Variants in ELOVL7 observed in about 807,000 individuals in gnomAD.
ELOVL7 encodes the protein very long chain fatty acid elongase 7.
In ELOVL7, 27 loss-of-function variants were observed where a neutral mutation model predicts 35.7. The observed-to-expected ratio is 0.76, with a 90% CI of 0.56 to 1.04. The LOEUF is 1.04. Ranked by LOEUF, ELOVL7 falls within the 50% of genes least tolerant of loss-of-function variation. ELOVL7 has a pLI of 0.00. For missense variants in ELOVL7, 327 were observed against 340.8 expected (o/e 0.96, Z 0.32); for synonymous variants, 113 against 114.6 (o/e 0.99, Z 0.09).
intron 8 of ELOVL7, among the ~76,000 whole-genome samples, chr5:60,755,773 G>A (rs113096760): frequency 0.013 from 1,997 of 152,270 alleles, 19 homozygotes; most frequent in Non-Finnish European, 0.022. Context: ...ATCTTACACA[G>A]TCCCAAGAGG....
chr5:60,766,434 G>A, intron 6 of ELOVL7, 140 bp downstream of exon 6: 2 of 630,700 alleles, frequency 3.2e-6, no homozygotes, highest in Non-Finnish European at 5.5e-6. Context: ...ATAACAGTAG[G>A]TCTGCCTGAA....
chr5:60,809,035 G>GT (rs993314529), intron 1 of ELOVL7, among the ~76,000 whole-genome samples: 6 of 152,018 alleles, frequency 3.9e-5, no homozygotes, highest in African/African-American at 1.4e-4. Flanking sequence ...GAACAAAATG[G>GT]TTTTTTCTTT....
At chr5:60,829,596 T>C (rs1233930939) in intron 1 of ELOVL7, among the ~76,000 whole-genome samples, 1 of 152,146 alleles carries the variant, frequency 6.6e-6, no homozygotes, top group Non-Finnish European at 1.5e-5. Context: ...GACAGCAGGA[T>C]GGAAAGAGTG....
At chr5:60,837,171 CGCCTGTAATCCCA>C (rs1420760601) in intron 1 of ELOVL7, among the ~76,000 whole-genome samples, 2 of 150,882 alleles carry the variant, frequency 1.3e-5, no homozygotes, top group East Asian at 3.9e-4. Flanking sequence ...CAGTGTCTCA[CGCCTGTAATCCCA>C]GCACTTTGGG....
chr5:60,795,294 G>A (rs1744182978), intron 2 of ELOVL7, among the ~76,000 whole-genome samples: 1 of 152,168 alleles, frequency 6.6e-6, no homozygotes, highest in Admixed American at 6.5e-5. Context: ...CCTAGCTGGG[G>A]AAGGTGACTG....
intron 3 of ELOVL7, among the ~76,000 whole-genome samples, chr5:60,786,689 G>A (rs905524882): frequency 2.6e-5 from 4 of 152,090 alleles, no homozygotes; most frequent in African/African-American, 4.8e-5. Flanking sequence ...GCTCACACCT[G>A]TAATCCCAGC....
At chr5:60,825,871 G>A (rs1019952617) in intron 1 of ELOVL7, among the ~76,000 whole-genome samples, 3 of 152,248 alleles carry the variant, frequency 2.0e-5, no homozygotes, top group African/African-American at 4.8e-5. Flanking sequence ...AGAATGAGAG[G>A]AAGGGTGGGA....
At chr5:60,798,864 AGAC>A (rs1184401367) in intron 2 of ELOVL7, among the ~76,000 whole-genome samples, 2 of 152,250 alleles carry the variant, frequency 1.3e-5, no homozygotes, top group Non-Finnish European at 2.9e-5. Context: ...TGAACTTAAC[AGAC>A]ATGTGCTGAA....
chr5:60,761,497 T>C (rs1204093296), intron 7 of ELOVL7, among the ~76,000 whole-genome samples: 2 of 152,176 alleles, frequency 1.3e-5, no homozygotes, highest in Non-Finnish European at 2.9e-5. Flanking sequence ...TTTGTTGCTG[T>C]GCTTGTCACT....
At chr5:60,765,056 G>A (rs901581583) in intron 6 of ELOVL7, among the ~76,000 whole-genome samples, 1 of 152,134 alleles carries the variant, frequency 6.6e-6, no homozygotes, top group Non-Finnish European at 1.5e-5. Context: ...AAACAGAATA[G>A]CACAAAGAAA....
chr5:60,765,435 C>G (rs1584162443), intron 6 of ELOVL7, among the ~76,000 whole-genome samples: 2 of 152,290 alleles, frequency 1.3e-5, no homozygotes, highest in South Asian at 4.1e-4. Context: ...TGTTCCAGAC[C>G]ATATGGCACC....
chr5:60,784,135 A>G, intron 3 of ELOVL7: 1 of 1,519,706 alleles, frequency 6.6e-7, no homozygotes, highest in Non-Finnish European at 8.8e-7. Flanking sequence ...CTTCTAAGAG[A>G]GTATTCTCTT....
chr5:60,816,277 G>A (rs926095131), intron 1 of ELOVL7, among the ~76,000 whole-genome samples: 8 of 151,930 alleles, frequency 5.3e-5, no homozygotes, highest in Non-Finnish European at 8.8e-5. Context: ...TACTCAGGTT[G>A]AGATAGGAGA....
At chr5:60,802,117 T>TACAC (rs34511373) in intron 1 of ELOVL7, among the ~76,000 whole-genome samples, 127 of 12,038 alleles carry the variant, frequency 0.011, 3 homozygotes, top group Non-Finnish European at 0.018. Context: ...TATATATATA[T>TACAC]ACACACACAC....
chr5:60,807,735 C>T (rs1480296330), intron 1 of ELOVL7, among the ~76,000 whole-genome samples: 2 of 151,980 alleles, frequency 1.3e-5, no homozygotes, highest in Non-Finnish European at 2.9e-5. Context: ...CGCGGTGGTT[C>T]ACGCCTGTAA....
At chr5:60,781,904 A>G (rs2112218904) in intron 3 of ELOVL7, among the ~76,000 whole-genome samples, 2 of 152,330 alleles carry the variant, frequency 1.3e-5, no homozygotes, top group South Asian at 4.1e-4. Context: ...TGATTGAGTT[A>G]CTATATGTAA....
Position 60,772,093 on chromosome 5 carries a change from T to C in ELOVL7, c.65A>G (p.Asp22Gly), listed in dbSNP as rs780974146. 6.2e-7 allele frequency: 1 copy of C among 1,600,458 alleles called. No individual in the cohort carries two copies. The highest frequency in any genetic ancestry group is 1.3e-5 in the African/African-American group (1 of 74,212). ...HLYDNWIKDA[D>G]PRVEDWLLMS... ...GAGGAGCCAATCTTCAACTCTTGGA[T>C]CTAAGAGAAAAACAATATGTGAGTA... Residue 22 changes from aspartate to glycine, a missense_variant and splice_region_variant, in exon 4 of 9, where the codon GAT becomes GGT. Transcript: ENST00000508821.
At chr5:60,765,179 T>C (rs1742162252) in intron 6 of ELOVL7, among the ~76,000 whole-genome samples, 1 of 152,188 alleles carries the variant, frequency 6.6e-6, no homozygotes. Flanking sequence ...ATGGAAATTT[T>C]GCACATTTCC....
intron 8 of ELOVL7, 72 bp from the exon 9 acceptor site, chr5:60,754,905 A>T (rs1161569950): frequency 7.7e-7 from 1 of 1,300,818 alleles, no homozygotes; most frequent in African/African-American, 1.5e-5. Flanking sequence ...ACCTATGTTT[A>T]TGCACTCCCA....
Sources: allele counts gnomAD v4.1 joint callset (sites outside exome capture counted in the v4.1 genomes callset), GRCh38; gene constraint gnomAD v4.1.1; transcripts MANE v1.5; gene names NCBI Gene and HGNC (gene_info 2026-07-23, HGNC 2026-07-21).